EEA1: variants seen among roughly 807,000 people sequenced by gnomAD.
EEA1 encodes early endosome antigen 1, also known as early endosome antigen 1, 162kD.
Under a neutral mutation model 209.2 loss-of-function variants are expected in EEA1, and 111 were observed. The ratio of observed to expected loss-of-function variants is 0.53; its 90% CI spans 0.45 to 0.62. The LOEUF (loss-of-function observed/expected upper bound fraction) is 0.62, where lower values mean the gene tolerates loss of function less well. Among genes scored for constraint, EEA1 ranks in the 20% least tolerant of loss-of-function variants. The pLI is 0.00. For missense variants in EEA1, 1,343 were observed against 1,530.8 expected (o/e 0.88, Z 2.05); for synonymous variants, 536 against 540.6 (o/e 0.99, Z 0.12).
chr12:92,846,822 C>G (rs1186457427), intron 9 of EEA1, among the ~76,000 whole-genome samples: 1 of 152,108 alleles, frequency 6.6e-6, no homozygotes, highest in Non-Finnish European at 1.5e-5. Context: ...ATAATGTACA[C>G]CAGATTATGT....
At chr12:92,801,323 C>A (rs1874898189) in intron 20 of EEA1, among the ~76,000 whole-genome samples, 1 of 151,316 alleles carries the variant, frequency 6.6e-6, no homozygotes, top group South Asian at 2.1e-4. Context: ...AATAATATTT[C>A]TTTATTTGGG....
chr12:92,783,038 T>C (rs1247035616), intron 22 of EEA1, among the ~76,000 whole-genome samples: 2 of 152,224 alleles, frequency 1.3e-5, no homozygotes, highest in Non-Finnish European at 2.9e-5. Context: ...TAATATCCTT[T>C]ATAATAAATC....
chr12:92,792,711 A>C (rs1424371107), intron 21 of EEA1, among the ~76,000 whole-genome samples: 1 of 152,188 alleles, frequency 6.6e-6, no homozygotes, highest in East Asian at 1.9e-4. Flanking sequence ...TACAAAGAGG[A>C]GCTGGTACCA....
In EEA1 at chr12:92,857,491, T is replaced by C. The variant is rs756430880; in HGVS notation, c.246-6A>G. On this transcript the variant is annotated splice_region_variant and splice_polypyrimidine_tract_variant and intron_variant, in intron 3 of 28. Transcript: ENST00000322349. ...TGAGCAGTGTTACATCATCTCTAAA[T>C]AAAAATGGGAGGAAGGAATTAATAG... 5.1e-6 allele frequency: 8 copies of C among 1,560,146 alleles called. No individual in the cohort carries two copies. The highest frequency in any genetic ancestry group is 8.6e-7 in the Non-Finnish European group (1 of 1,156,606).
At chr12:92,835,463 G>A in intron 10 of EEA1, 1 of 259,364 alleles carries the variant, frequency 3.9e-6, no homozygotes, top group Non-Finnish European at 7.3e-6. Context: ...CCAGGTGGGA[G>A]TGCAGTGGCA....
chr12:92,897,593 T>A (rs1879943730), intron 1 of EEA1, among the ~76,000 whole-genome samples: 1 of 152,222 alleles, frequency 6.6e-6, no homozygotes, highest in Admixed American at 6.5e-5. Context: ...ATCTCTGCTT[T>A]CGTTCTTTTG....
At chr12:92,904,108 A>ACG (rs1880268392) in intron 1 of EEA1, among the ~76,000 whole-genome samples, 1 of 151,900 alleles carries the variant, frequency 6.6e-6, no homozygotes, top group Non-Finnish European at 1.5e-5. Flanking sequence ...GATTACAGGC[A>ACG]TGCACCACCA....
chr12:92,854,805 C>T (rs1877795527), intron 5 of EEA1, among the ~76,000 whole-genome samples: 1 of 152,202 alleles, frequency 6.6e-6, no homozygotes, highest in Non-Finnish European at 1.5e-5. Context: ...AAAGGTACAC[C>T]TCAACCCTTT....
At chr12:92,907,548 T>G (rs967995894) in intron 1 of EEA1, among the ~76,000 whole-genome samples, 1 of 152,164 alleles carries the variant, frequency 6.6e-6, no homozygotes, top group African/African-American at 2.4e-5. Flanking sequence ...TCCATCTCCT[T>G]GGCCACTACC....
chr12:92,899,090 C>A (rs1051649779), intron 1 of EEA1, among the ~76,000 whole-genome samples: 2 of 147,140 alleles, frequency 1.4e-5, no homozygotes, highest in Non-Finnish European at 3.0e-5. Context: ...CAATAAAGTA[C>A]TAAAGATGAA....
At chr12:92,805,936 T>C (rs1246266498) in intron 18 of EEA1, among the ~76,000 whole-genome samples, 1 of 152,190 alleles carries the variant, frequency 6.6e-6, no homozygotes, top group African/African-American at 2.4e-5. Flanking sequence ...AGAAAAAAGA[T>C]ACCCTCTTTC....
chr12:92,915,893 A>C (rs563714473), intron 1 of EEA1, among the ~76,000 whole-genome samples: 1 of 152,308 alleles, frequency 6.6e-6, no homozygotes, highest in East Asian at 1.9e-4. Context: ...GTCATATTTA[A>C]AATTCTAAAA....
At position 92,774,528 on chromosome 12, in the gene EEA1, T is replaced by C. The variant is rs976101180; in HGVS notation, c.*1483A>G. On this transcript the variant is annotated 3_prime_UTR_variant, in exon 29 of 29. Transcript: ENST00000322349. ...TACACTTCTTCTCTAGAAAGATTAA[T>C]AAACCAATATTAATAACTTCTCTCT... The C allele has an allele frequency of 6.6e-6, 1 of 151,680 alleles. No individual in the cohort carries two copies. The highest frequency in any genetic ancestry group is 2.4e-5 in the African/African-American group (1 of 41,418). 9.4% of individuals were successfully genotyped at this position (151,680 alleles called of 1,614,324 possible).
At chr12:92,805,464 T>C (rs942733404) in intron 18 of EEA1, among the ~76,000 whole-genome samples, 4 of 152,340 alleles carry the variant, frequency 2.6e-5, no homozygotes, top group African/African-American at 9.6e-5. Flanking sequence ...TCTTAGTCTC[T>C]ACCTTTACTA....
At chr12:92,788,337 C>T (rs1208233436) in intron 21 of EEA1, among the ~76,000 whole-genome samples, 3 of 151,122 alleles carry the variant, frequency 2.0e-5, no homozygotes, top group African/African-American at 7.3e-5. Context: ...AGAGTAACAA[C>T]TACATTCTGA....
chr12:92,924,012 G>A (rs959958010), intron 1 of EEA1, among the ~76,000 whole-genome samples: 5 of 152,116 alleles, frequency 3.3e-5, no homozygotes, highest in African/African-American at 4.8e-5. Flanking sequence ...TCCTGAGGCT[G>A]AGGCAGGAGG....
At chr12:92,794,191 C>T (rs956953721) in intron 21 of EEA1, among the ~76,000 whole-genome samples, 23 of 152,164 alleles carry the variant, frequency 1.5e-4, no homozygotes, top group African/African-American at 4.6e-4. Context: ...TACCATCTCA[C>T]GCCAGTTAGA....
In EEA1 at chr12:92,799,086, C is replaced by G. The variant is rs747272552; in HGVS notation, c.2773G>C (p.Ala925Pro). ...LKKSLEKEKE[A>P]SHQLKLELNS... ...AGTTCCAATTTCAACTGATGAGAAG[C>G]CTGAAAGAAAAAAAAAATCTATTTA... Residue 925 changes from alanine to proline, a missense_variant and splice_region_variant, in exon 21 of 29, where the codon GCT (alanine) becomes CCT (proline). This residue lies in a region of EEA1 where 1,307 missense variants were observed against 1,465.5 expected (regional missense o/e 0.89). Coordinates refer to ENST00000322349, the MANE Select transcript of EEA1 (RefSeq NM_003566.4). 1.9e-6 allele frequency: 3 copies of G among 1,564,384 alleles called. No individual in the cohort carries two copies. The highest frequency in any genetic ancestry group is 2.4e-5 in the South Asian group (2 of 82,506).
intron 1 of EEA1, among the ~76,000 whole-genome samples, chr12:92,923,845 C>CAAA (rs200069645): frequency 5.2e-4 from 39 of 75,232 alleles, no homozygotes; most frequent in African/African-American, 2.0e-3. Flanking sequence ...ACCTCATCTA[C>CAAA]AAAAAAAAAA....
Sources: allele counts gnomAD v4.1 joint callset (sites outside exome capture counted in the v4.1 genomes callset), GRCh38; gene constraint gnomAD v4.1.1; regional missense constraint gnomAD v4.1.1; transcripts MANE v1.5; gene names NCBI Gene and HGNC (gene_info 2026-07-23, HGNC 2026-07-21).